OCIAD1: variants seen among roughly 807,000 people sequenced by gnomAD.
OCIAD1 encodes OCIA domain-containing protein 1.
Under a neutral mutation model 38.9 loss-of-function variants are expected in OCIAD1, and 29 were observed. The ratio of observed to expected loss-of-function variants is 0.74; its 90% CI spans 0.55 to 1.02. The LOEUF is 1.02. Ranked by LOEUF, OCIAD1 falls within the 50% of genes least tolerant of loss-of-function variation. The pLI is 0.00. For synonymous variants in OCIAD1, 110 were observed against 92.0 expected (o/e 1.20, Z -1.12); for missense variants, 288 against 289.6 (o/e 0.99, Z 0.04).
intron 1 of OCIAD1, among the ~76,000 whole-genome samples, chr4:48,822,921 A>G (rs1435479754): frequency 6.6e-6 from 1 of 152,194 alleles, no homozygotes; most frequent in Non-Finnish European, 1.5e-5. Context: ...GAGAAATCGG[A>G]ACGCTTTTAC....
chr4:48,839,375 G>A (rs1177742672), intron 3 of OCIAD1, among the ~76,000 whole-genome samples: 1 of 149,912 alleles, frequency 6.7e-6, no homozygotes, highest in African/African-American at 2.5e-5. Context: ...GGCAGAGGTT[G>A]CATTGAGTCA....
chr4:48,846,741 G>A (rs1331436543), intron 4 of OCIAD1, among the ~76,000 whole-genome samples: 1 of 145,740 alleles, frequency 6.9e-6, no homozygotes, highest in Non-Finnish European at 1.5e-5. Flanking sequence ...AGCGAGACTC[G>A]TCTCAAAAAA....
At chr4:48,841,048 T>A (rs1264915830) in intron 3 of OCIAD1, among the ~76,000 whole-genome samples, 1 of 151,954 alleles carries the variant, frequency 6.6e-6, no homozygotes, top group Non-Finnish European at 1.5e-5. Context: ...GGTTAAGAAA[T>A]CAAAGGAAAA....
rs776668120 is a variant in OCIAD1 at position 48,842,706 on chromosome 4, T to A, written c.193+17T>A. 7.3e-7 allele frequency: 1 copy of A among 1,374,340 alleles called. No homozygotes were observed. The highest frequency in any genetic ancestry group is 1.0e-6 in the Non-Finnish European group (1 of 995,034). 85.1% of individuals were successfully genotyped at this position (1,374,340 alleles called of 1,614,324 possible). Reference sequence around the variant, plus strand: ...TTAGTAAAGGTAAATATTTAAAATTTGAATTTATTTAGCATTTTGGATACC... The same window carrying A: ...TTAGTAAAGGTAAATATTTAAAATTAGAATTTATTTAGCATTTTGGATACC... On this transcript the variant is annotated intron_variant, in intron 4 of 8. Coordinates refer to ENST00000264312, the MANE Select transcript of OCIAD1 (RefSeq NM_017830.4).
intron 8 of OCIAD1, 69 bp downstream of exon 8, chr4:48,857,434 A>G (rs1560442895): frequency 2.1e-6 from 2 of 946,526 alleles, no homozygotes; most frequent in Non-Finnish European, 2.9e-6. Context: ...TTAAAACAAT[A>G]CTATAAAAAA....
At chr4:48,859,319 G>A (rs1192997148) in intron 8 of OCIAD1, among the ~76,000 whole-genome samples, 1 of 152,048 alleles carries the variant, frequency 6.6e-6, no homozygotes. Context: ...AGTGGCCATT[G>A]CTCTGTAATA....
intron 3 of OCIAD1, among the ~76,000 whole-genome samples, chr4:48,839,878 G>A (rs1778370017): frequency 6.6e-6 from 1 of 152,152 alleles, no homozygotes; most frequent in African/African-American, 2.4e-5. Flanking sequence ...ATTACATACT[G>A]TAGTGGAAAA....
At chr4:48,841,189 T>G (rs1778493019) in intron 3 of OCIAD1, among the ~76,000 whole-genome samples, 1 of 152,196 alleles carries the variant, frequency 6.6e-6, no homozygotes, top group African/African-American at 2.4e-5. Context: ...AAACGGCAAT[T>G]GAGTAACTGG....
rs781750330 is a variant in OCIAD1 at position 48,842,652 on chromosome 4, A to G, written c.156A>G (p.Ala52=). ...TTCCTATAGCTGTGCCTTTGGCTGC[A>G]ACAAGTATGTTGATTACTCAAGGAT... is the stretch of plus-strand genomic sequence containing the variant. The part of the protein sequence containing the change: ...SFWFRSVPLA[A]TSMLITQGLI... The change falls in exon 4 of 9, where the codon GCA becomes GCG. Residue 52 remains alanine, a synonymous_variant. Coordinates refer to ENST00000264312, the MANE Select transcript of OCIAD1 (RefSeq NM_017830.4). 1 of 1,576,546 alleles carries G rather than the reference A, an allele frequency of 6.3e-7. No homozygotes were observed. Among genetic ancestry groups the G allele is most frequent in the East Asian group, 2.3e-5 (1 of 43,506 alleles).
chr4:48,828,335 C>G (rs771670114), upstream of OCIAD1, among the ~76,000 whole-genome samples: 38 of 152,286 alleles, frequency 2.5e-4, no homozygotes, highest in Admixed American at 5.2e-4. Context: ...CCAATCAGCT[C>G]TCTGTACAAT....
chr4:48,858,294 T>G (rs1780277590), intron 8 of OCIAD1, among the ~76,000 whole-genome samples: 1 of 152,180 alleles, frequency 6.6e-6, no homozygotes, highest in Non-Finnish European at 1.5e-5. Flanking sequence ...GGAGATCTGA[T>G]AGTCTTATTT....
At chr4:48,816,479 T>G (rs1203323291) in intron 1 of OCIAD1, among the ~76,000 whole-genome samples, 1 of 149,334 alleles carries the variant, frequency 6.7e-6, no homozygotes, top group Non-Finnish European at 1.5e-5. Flanking sequence ...GTTGCAGTGA[T>G]CTGAGATCAC....
intron 3 of OCIAD1, among the ~76,000 whole-genome samples, chr4:48,838,144 C>G (rs1475531136): frequency 6.6e-6 from 1 of 151,954 alleles, no homozygotes; most frequent in East Asian, 1.9e-4. Context: ...ATGGTGAAAC[C>G]CCGTCTCTAC....
chr4:48,857,961 A>G (rs1212637537), intron 8 of OCIAD1, among the ~76,000 whole-genome samples: 1 of 152,098 alleles, frequency 6.6e-6, no homozygotes, highest in East Asian at 1.9e-4. Flanking sequence ...GGAGACCAGC[A>G]TGGCCAACAT....
intron 1 of OCIAD1, among the ~76,000 whole-genome samples, chr4:48,808,724 T>C (rs1777056437): frequency 1.3e-5 from 2 of 152,198 alleles, no homozygotes. Context: ...AACTATATGA[T>C]ATAAATTTCT....
intron 7 of OCIAD1, chr4:48,856,918 A>G: frequency 5.9e-6 from 1 of 168,944 alleles, no homozygotes; most frequent in Non-Finnish European, 1.3e-5. Flanking sequence ...ATGAGTTTAA[A>G]TTGTACTGTT....
intron 7 of OCIAD1, among the ~76,000 whole-genome samples, chr4:48,855,797 C>CA (rs1468412225): frequency 6.9e-6 from 1 of 144,872 alleles, no homozygotes; most frequent in Non-Finnish European, 1.5e-5. Flanking sequence ...GCCTGGGTAA[C>CA]AGAGTGAGAC....
At chr4:48,857,046 G>T in intron 7 of OCIAD1, 167 bp from the exon 8 acceptor site, 1 of 364,698 alleles carries the variant, frequency 2.7e-6, no homozygotes, top group Non-Finnish European at 5.0e-6. Flanking sequence ...ATTTCAGTTT[G>T]ATGATTATCT....
At chr4:48,814,500 A>T (rs570962784) in intron 1 of OCIAD1, among the ~76,000 whole-genome samples, 1 of 152,318 alleles carries the variant, frequency 6.6e-6, no homozygotes, top group Admixed American at 6.5e-5. Context: ...GAATTAAGGC[A>T]AAAACAAAAA....
Sources: gnomAD v4.1 joint callset for allele counts (sites outside exome capture counted in the v4.1 genomes callset) on GRCh38, gnomAD v4.1.1 for gene constraint, MANE v1.5 for transcripts, NCBI Gene and HGNC (gene_info 2026-07-23, HGNC 2026-07-21) for gene names.